Variants in RAB3C observed in about 807,000 individuals in gnomAD.
RAB3C encodes ras-related protein Rab-3C.
In RAB3C, 17 loss-of-function variants were observed where a neutral mutation model predicts 26.4. The observed-to-expected ratio is 0.64, with a 90% CI of 0.44 to 0.97. The LOEUF is 0.97. Ranked by LOEUF, RAB3C falls within the 50% of genes least tolerant of loss-of-function variation. The pLI, the probability that RAB3C is intolerant of heterozygous loss-of-function variation, is 0.00. For missense variants in RAB3C, 242 were observed against 281.9 expected (o/e 0.86, Z 1.01); for synonymous variants, 91 against 95.9 (o/e 0.95, Z 0.30).
At chr5:58,773,618 A>T (rs923153330) in intron 3 of RAB3C, among the ~76,000 whole-genome samples, 1 of 152,134 alleles carries the variant, frequency 6.6e-6, no homozygotes, top group Non-Finnish European at 1.5e-5. Context: ...AGCAGTTCAC[A>T]CTGGGTACCT....
intron 1 of RAB3C, among the ~76,000 whole-genome samples, chr5:58,612,748 A>ATAG (rs1285904038): frequency 6.6e-6 from 1 of 151,802 alleles, no homozygotes; most frequent in Non-Finnish European, 1.5e-5. Context: ...TTTTCTAAAT[A>ATAG]TAGGATCATG....
rs372260202 is a variant in RAB3C at position 58,699,377 on chromosome 5, C to T, written c.253-26625C>T. ...GCAGCCACCTATATGAGGTTTCTGT[C>T]AACCCCTACTGGGAGGTGTCCTCCA... On this transcript the variant is annotated intron_variant, in intron 2 of 4. Coordinates refer to ENST00000282878, the MANE Select transcript of RAB3C (RefSeq NM_138453.4). 3.3e-4 allele frequency among the ~76,000 whole-genome samples: 51 copies of T among 152,326 alleles called. No homozygotes were observed. In the South Asian group the frequency reaches 7.9e-3, roughly 24 times the overall value.
At chr5:58,678,459 A>G (rs1748274328) in intron 2 of RAB3C, among the ~76,000 whole-genome samples, 1 of 152,176 alleles carries the variant, frequency 6.6e-6, no homozygotes, top group South Asian at 2.1e-4. Flanking sequence ...AAGCTATTTC[A>G]TGGGACAAGA....
At chr5:58,684,766 A>C (rs1292157322) in intron 2 of RAB3C, among the ~76,000 whole-genome samples, 5 of 152,128 alleles carry the variant, frequency 3.3e-5, no homozygotes, top group Non-Finnish European at 5.9e-5. Context: ...GCAAGATATC[A>C]TTGTTCAAAT....
chr5:58,605,707 G>A (rs1205243381), intron 1 of RAB3C, among the ~76,000 whole-genome samples: 2 of 152,098 alleles, frequency 1.3e-5, no homozygotes, highest in African/African-American at 4.8e-5. Context: ...AGATCATCTT[G>A]GCCAACATAG....
intron 1 of RAB3C, among the ~76,000 whole-genome samples, chr5:58,599,518 G>A (rs530343304): frequency 2.0e-5 from 3 of 152,146 alleles, no homozygotes; most frequent in African/African-American, 7.2e-5. Flanking sequence ...GTGTTCTGGG[G>A]TTCTCCTTTA....
At chr5:58,784,259 A>G (rs1336747833) in intron 3 of RAB3C, among the ~76,000 whole-genome samples, 1 of 152,206 alleles carries the variant, frequency 6.6e-6, no homozygotes, top group Non-Finnish European at 1.5e-5. Context: ...CTGCTAATAC[A>G]TACCTGAGAC....
intron 2 of RAB3C, among the ~76,000 whole-genome samples, chr5:58,685,977 A>C (rs913972563): frequency 3.3e-4 from 50 of 151,780 alleles, no homozygotes; most frequent in African/African-American, 1.1e-3. Context: ...GCAGGAAATA[A>C]TTTTAAAAGA....
At chr5:58,582,479 G>C, upstream of RAB3C, 1 of 936,312 alleles carries the variant, frequency 1.1e-6, no homozygotes, top group African/African-American at 1.8e-5. Flanking sequence ...GCACTTCGGT[G>C]TGCGGGTTGT....
At chr5:58,764,852 A>C (rs978585215) in intron 3 of RAB3C, among the ~76,000 whole-genome samples, 1 of 152,198 alleles carries the variant, frequency 6.6e-6, no homozygotes, top group Non-Finnish European at 1.5e-5. Flanking sequence ...TGGTTACATC[A>C]ATGATCTTTA....
intron 3 of RAB3C, among the ~76,000 whole-genome samples, chr5:58,762,095 T>G (rs1345343302): frequency 1.3e-5 from 2 of 152,128 alleles, no homozygotes; most frequent in Admixed American, 1.3e-4. Context: ...GTATTTTATT[T>G]AACTCAGTTT....
At chr5:58,617,558 A>G (rs755170223) in intron 1 of RAB3C, 85 bp from the exon 2 acceptor site, 1 of 1,106,856 alleles carries the variant, frequency 9.0e-7, no homozygotes, top group Non-Finnish European at 1.4e-6. Context: ...GGCAAGGCCA[A>G]TAATGAGTAT....
intron 3 of RAB3C, among the ~76,000 whole-genome samples, chr5:58,742,722 A>G (rs1444215186): frequency 6.6e-6 from 1 of 152,174 alleles, no homozygotes; most frequent in Non-Finnish European, 1.5e-5. Flanking sequence ...CATATTTTCT[A>G]CTGTGGAAAT....
intron 2 of RAB3C, among the ~76,000 whole-genome samples, chr5:58,694,498 G>C (rs1038534593): frequency 1.3e-5 from 2 of 152,158 alleles, no homozygotes; most frequent in African/African-American, 4.8e-5. Flanking sequence ...AGATCCTTGA[G>C]GAATCACCAC....
chr5:58,661,616 C>T (rs1747906855), intron 2 of RAB3C, among the ~76,000 whole-genome samples: 1 of 146,896 alleles, frequency 6.8e-6, no homozygotes, highest in Admixed American at 6.8e-5. Flanking sequence ...AGATCTGTCT[C>T]TCAATTGATG....
rs999071167 is a variant in RAB3C at position 58,848,927 on chromosome 5, A to G, written c.497-2237A>G. 2.0e-5 allele frequency among the ~76,000 whole-genome samples: 3 copies of G among 152,178 alleles called. 1 individual carries two copies. The highest frequency in any genetic ancestry group is 7.2e-5 in the African/African-American group (3 of 41,438). Reference sequence around the variant, plus strand: ...TCAGCATGCTGAATAAATAGGTGCCATTATTTCTGGCACATTGTCTCTTTA... The same window carrying G: ...TCAGCATGCTGAATAAATAGGTGCCGTTATTTCTGGCACATTGTCTCTTTA... On this transcript the variant is annotated intron_variant, in intron 4 of 4. Coordinates refer to ENST00000282878, the MANE Select transcript of RAB3C (RefSeq NM_138453.4).
At position 58,845,612 on chromosome 5, in the gene RAB3C, A is replaced by ATATGTGTGTGTGTGTG; in HGVS notation, c.497-5551_497-5550insATGTGTGTGTGTGTGT. ...ATTCTTACTATATATATATATATAT[A>ATATGTGTGTGTGTGTG]TGTGTGTGTGTGTGTGTGTATATGT... On this transcript the variant is annotated intron_variant, in intron 4 of 4. Transcript: ENST00000282878. Among the ~76,000 whole-genome samples the ATATGTGTGTGTGTGTG allele has an allele frequency of 2.9e-3, 239 of 81,716 alleles. 10 individuals carry two copies. Among genetic ancestry groups the ATATGTGTGTGTGTGTG allele is most frequent in the African/African-American group, 0.013 (222 of 17,208 alleles). 53.6% of individuals were successfully genotyped at this position (81,716 alleles called of 152,430 possible). A position where few individuals can be genotyped will look rare whatever the true frequency, so the allele number is the denominator to read the frequency against.
chr5:58,779,568 T>C (rs546729174), intron 3 of RAB3C, among the ~76,000 whole-genome samples: 39 of 151,976 alleles, frequency 2.6e-4, no homozygotes, highest in East Asian at 9.7e-4. Context: ...AAAATTTCGT[T>C]GTAGAGATGG....
rs112536983 is a variant in RAB3C at position 58,732,467 on chromosome 5, T to C, written c.371+6347T>C. On this transcript the variant is annotated intron_variant, in intron 3 of 4. Coordinates refer to ENST00000282878, the MANE Select transcript of RAB3C (RefSeq NM_138453.4). ...GGGTTTATGTTAACAATAGCTTTTA[T>C]AACTAGTACTAAAAAGGCCATGACT... Among the ~76,000 whole-genome samples, 1,044 of 152,264 alleles carry C rather than the reference T, an allele frequency of 6.9e-3. 10 individuals are homozygous for C. Among genetic ancestry groups the C allele is most frequent in the African/African-American group, 0.022 (934 of 41,558 alleles).
Sources: gnomAD v4.1 joint callset for allele counts (sites outside exome capture counted in the v4.1 genomes callset) on GRCh38, gnomAD v4.1.1 for gene constraint, MANE v1.5 for transcripts, NCBI Gene and HGNC (gene_info 2026-07-23, HGNC 2026-07-21) for gene names.